BMERB1: variants seen among roughly 807,000 people sequenced by gnomAD.
BMERB1 encodes the protein bMERB domain containing 1, also known as bMERB domain-containing protein 1.
BMERB1 carries 12 observed loss-of-function variants against 23.6 expected under a neutral mutation model. The observed-to-expected ratio is 0.51, with a 90% CI of 0.33 to 0.82. The LOEUF (loss-of-function observed/expected upper bound fraction) is 0.82. Among genes scored for constraint, BMERB1 ranks in the 40% least tolerant of loss-of-function variants. The pLI is 0.03. For synonymous variants in BMERB1, 122 were observed against 96.6 expected, an observed-to-expected ratio of 1.26 and a Z score of -1.54; for missense variants, 247 against 255.4, an observed-to-expected ratio of 0.97 and a Z score of 0.22.
chr16:15,569,759 C>T (rs2285049), intron 3 of BMERB1, among the ~76,000 whole-genome samples: 1 of 152,120 alleles, frequency 6.6e-6, no homozygotes, highest in Non-Finnish European at 1.5e-5. Flanking sequence ...AAAGGCTGAT[C>T]TTAGATTCTG....
intron 1 of BMERB1, among the ~76,000 whole-genome samples, chr16:15,439,539 A>G (rs2050920269): frequency 6.6e-6 from 1 of 152,076 alleles, no homozygotes; most frequent in African/African-American, 2.4e-5. Flanking sequence ...CTGGTTAATG[A>G]TTCTGTACAT....
intron 1 of BMERB1, among the ~76,000 whole-genome samples, chr16:15,493,051 G>GT (rs2051437556): frequency 1.3e-5 from 2 of 152,106 alleles, no homozygotes; most frequent in East Asian, 3.9e-4. Context: ...AAATACCTGT[G>GT]CAGTACCCCT....
In BMERB1 at chr16:15,580,016, G is replaced by A. The variant is rs190829294; in HGVS notation, c.305-1201G>A. On this transcript the variant is annotated intron_variant, in intron 3 of 5. Transcript: ENST00000300006. ...GGTGGCTTGCTGCACCTGTCAGCCC[G>A]ACACATAGGTATTAAGCCCAGCATG... Among the ~76,000 whole-genome samples the A allele has an allele frequency of 1.9e-4, 29 of 152,118 alleles. No homozygotes were observed. In the East Asian group the frequency reaches 5.4e-3, roughly 28 times the overall value.
intron 2 of BMERB1, among the ~76,000 whole-genome samples, chr16:15,562,951 G>C (rs1271568353): frequency 6.6e-6 from 1 of 152,240 alleles, no homozygotes; most frequent in African/African-American, 2.4e-5. Context: ...CTCTTGTCCT[G>C]AAACTGGGAT....
intron 1 of BMERB1, among the ~76,000 whole-genome samples, chr16:15,464,208 G>A (rs1418258835): frequency 6.6e-6 from 1 of 151,690 alleles, no homozygotes; most frequent in Admixed American, 6.6e-5. Context: ...AGCTACTCAG[G>A]AGACTGAGGC....
At chr16:15,578,263 T>C (rs891876419) in intron 3 of BMERB1, among the ~76,000 whole-genome samples, 2 of 150,688 alleles carry the variant, frequency 1.3e-5, no homozygotes, top group Non-Finnish European at 3.0e-5. Context: ...AGGGTCTGGC[T>C]GTGTTGCCCA....
At chr16:15,436,292 C>G (rs1184017739) in intron 1 of BMERB1, among the ~76,000 whole-genome samples, 1 of 125,926 alleles carries the variant, frequency 7.9e-6, no homozygotes, top group African/African-American at 3.1e-5. Context: ...GAGTTTCGCT[C>G]TTGTTGCCCA....
At chr16:15,485,337 G>A (rs547000647) in intron 1 of BMERB1, among the ~76,000 whole-genome samples, 2 of 152,292 alleles carry the variant, frequency 1.3e-5, no homozygotes, top group East Asian at 3.9e-4. Context: ...GAGGCCAGAG[G>A]CCTGATCTTG....
intron 2 of BMERB1, among the ~76,000 whole-genome samples, chr16:15,548,938 A>G (rs1201519029): frequency 6.6e-6 from 1 of 152,246 alleles, no homozygotes; most frequent in Admixed American, 6.5e-5. Context: ...GGCCCAGTCC[A>G]TGGGCTAAGC....
intron 1 of BMERB1, among the ~76,000 whole-genome samples, chr16:15,466,761 T>A (rs2051184196): frequency 1.3e-5 from 2 of 152,072 alleles, no homozygotes; most frequent in South Asian, 4.1e-4. Flanking sequence ...TACAATTTTA[T>A]CATATATTTA....
At chr16:15,508,081 A>G (rs1427886707) in intron 1 of BMERB1, among the ~76,000 whole-genome samples, 1 of 152,116 alleles carries the variant, frequency 6.6e-6, no homozygotes, top group Non-Finnish European at 1.5e-5. Flanking sequence ...CTTGTTTTAA[A>G]TCTCACCTCC....
At chr16:15,473,929 CTAACA>C (rs1598458855) in intron 1 of BMERB1, among the ~76,000 whole-genome samples, 1 of 151,816 alleles carries the variant, frequency 6.6e-6, no homozygotes, top group Non-Finnish European at 1.5e-5. Flanking sequence ...ACCATCCTGG[CTAACA>C]TGGTGAAACC....
intron 2 of BMERB1, among the ~76,000 whole-genome samples, chr16:15,551,431 G>A (rs1328904149): frequency 6.6e-6 from 1 of 152,220 alleles, no homozygotes; most frequent in Non-Finnish European, 1.5e-5. Flanking sequence ...ATGCCTAGAT[G>A]TCAATGGGAT....
intron 1 of BMERB1, among the ~76,000 whole-genome samples, chr16:15,505,704 A>G (rs2040391): frequency 0.57 from 85,746 of 151,572 alleles, 26,605 homozygotes; most frequent in Middle Eastern, 0.73. Context: ...CCTGGCTAAC[A>G]TGGTGAAACC....
intron 1 of BMERB1, among the ~76,000 whole-genome samples, chr16:15,454,922 G>A (rs1468119428): frequency 6.6e-6 from 1 of 152,178 alleles, no homozygotes; most frequent in South Asian, 2.1e-4. Context: ...CTGTTCACTT[G>A]GTGAAATTTG....
chr16:15,453,186 C>T (rs1025716590), intron 1 of BMERB1, among the ~76,000 whole-genome samples: 2 of 151,988 alleles, frequency 1.3e-5, no homozygotes, highest in South Asian at 2.1e-4. Flanking sequence ...ACAACAACAA[C>T]AAAGAAAAAA....
chr16:15,571,349 C>T (rs977694616), intron 3 of BMERB1, among the ~76,000 whole-genome samples: 9 of 149,662 alleles, frequency 6.0e-5, no homozygotes, highest in South Asian at 2.1e-4. Flanking sequence ...ATGAGTCATA[C>T]AAAAACCTAC....
chr16:15,539,399 C>T (rs575763335), intron 2 of BMERB1, among the ~76,000 whole-genome samples: 38 of 152,172 alleles, frequency 2.5e-4, no homozygotes, highest in Non-Finnish European at 4.4e-4. Context: ...TCCTGCTGTG[C>T]GGCCTGGCTC....
intron 1 of BMERB1, among the ~76,000 whole-genome samples, chr16:15,502,047 G>A (rs1282464786): frequency 6.6e-6 from 1 of 152,186 alleles, no homozygotes; most frequent in Non-Finnish European, 1.5e-5. Flanking sequence ...TACAGATAAG[G>A]AAACTGAGTC....
Sources: allele counts gnomAD v4.1 joint callset (sites outside exome capture counted in the v4.1 genomes callset), GRCh38; gene constraint gnomAD v4.1.1; transcripts MANE v1.5; gene names NCBI Gene and HGNC (gene_info 2026-07-23, HGNC 2026-07-21).